The following ALG9 variants were observed in gnomAD, a reference collection of about 807,000 sequenced individuals.
ALG9 encodes alpha-1,2-mannosyltransferase ALG9.
ALG9 carries 55 observed loss-of-function variants against 81.8 expected under a neutral mutation model. The observed-to-expected ratio is 0.67, with a 90% CI of 0.54 to 0.84. ALG9 has a LOEUF of 0.84. Among genes scored for constraint, ALG9 ranks in the 40% least tolerant of loss-of-function variants. The probability of loss-of-function intolerance (pLI) is 0.00; values close to 1 mark genes in which losing one functional copy is unlikely to be tolerated. For missense variants in ALG9, 629 were observed against 745.0 expected, an observed-to-expected ratio of 0.84 and a Z score of 1.81; for synonymous variants, 278 against 274.3, an observed-to-expected ratio of 1.01 and a Z score of -0.13.
chr11:111,822,030 C>T (rs1300213675), intron 13 of ALG9, among the ~76,000 whole-genome samples: 1 of 152,134 alleles, frequency 6.6e-6, no homozygotes, highest in African/African-American at 2.4e-5. Flanking sequence ...GAGATAGATA[C>T]AGGTTATATC....
chr11:111,801,223 A>G (rs1949079392), intron 14 of ALG9, among the ~76,000 whole-genome samples: 1 of 152,258 alleles, frequency 6.6e-6, no homozygotes, highest in Non-Finnish European at 1.5e-5. Flanking sequence ...GATTATGCTC[A>G]CAAAAGCATT....
At chr11:111,810,516 G>A (rs1360439749) in intron 13 of ALG9, among the ~76,000 whole-genome samples, 1 of 152,172 alleles carries the variant, frequency 6.6e-6, no homozygotes, top group Non-Finnish European at 1.5e-5. Flanking sequence ...AGCACTTTGG[G>A]AGGCCAAGGT....
intron 8 of ALG9, among the ~76,000 whole-genome samples, chr11:111,848,728 A>G (rs1191641461): frequency 6.6e-6 from 1 of 152,214 alleles, no homozygotes; most frequent in Non-Finnish European, 1.5e-5. Flanking sequence ...ATGCTGTAAA[A>G]ATAAGTTTTT....
At chr11:111,805,377 C>G (rs1555084215) in intron 14 of ALG9, 3 of 453,478 alleles carry the variant, frequency 6.6e-6, no homozygotes, top group Non-Finnish European at 1.3e-5. Context: ...TTATAGCAGT[C>G]TGAACTAAGA....
At chr11:111,843,725 A>G (rs1375777532) in intron 9 of ALG9, among the ~76,000 whole-genome samples, 1 of 152,184 alleles carries the variant, frequency 6.6e-6, no homozygotes, top group Non-Finnish European at 1.5e-5. Flanking sequence ...ACTTGAGAAA[A>G]CACCAGCTGT....
Position 111,865,267 on chromosome 11 carries a change from AAAAAG to A in ALG9, c.406-21_406-17del, listed in dbSNP as rs782386573. ...ACACAAGAATCTAAAAGAAACCCAG[AAAAAG>A]AAAACAGAAGTCACAGATATGAGCT... On this transcript the variant is annotated splice_polypyrimidine_tract_variant and intron_variant, in intron 3 of 14. Transcript: ENST00000616540. 35 of 1,546,944 alleles carry A rather than the reference AAAAAG, an allele frequency of 2.3e-5. No individual in the cohort carries two copies. The highest frequency in any genetic ancestry group is 3.1e-5 in the Non-Finnish European group (35 of 1,144,180).
rs114478776 is a variant in ALG9, at chr11:111,826,951, C to T, written c.1602+9214G>A. ...GATTTCTTCAAACTTATCCTCTAAT[C>T]ATTCTACTGACTTTAAAAATCTCCT... is the stretch of plus-strand genomic sequence containing the variant. On this transcript the variant is annotated intron_variant, in intron 13 of 14. Transcript: ENST00000616540. Among the ~76,000 whole-genome samples the T allele has an allele frequency of 1.7e-3, 255 of 152,278 alleles. 1 individual carries two copies. The highest frequency in any genetic ancestry group is 5.8e-3 in the African/African-American group (241 of 41,556).
At chr11:111,854,002 C>A (rs1205212652) in intron 6 of ALG9, among the ~76,000 whole-genome samples, 1 of 152,028 alleles carries the variant, frequency 6.6e-6, no homozygotes, top group African/African-American at 2.4e-5. Context: ...AATATATGTG[C>A]CCTACTGTCT....
downstream of ALG9, among the ~76,000 whole-genome samples, chr11:111,780,389 T>G (rs1007360872): frequency 2.8e-4 from 41 of 144,544 alleles, no homozygotes; most frequent in Admixed American, 1.2e-3. Context: ...GCCGTTTTTT[T>G]TTTTGTTTTG....
Position 111,837,586 on chromosome 11 carries a change from C to G in ALG9, c.1354G>C (p.Glu452Gln). The G allele has an allele frequency of 1.2e-6, 2 of 1,614,100 alleles. No individual in the cohort carries two copies. The highest frequency in any genetic ancestry group is 2.2e-5 in the South Asian group (2 of 91,074). Reference protein sequence around the residue: ...GYHGPLDLYPEFYRIATDPTI... With the variant: ...GYHGPLDLYPQFYRIATDPTI... ...GGGTCTGTAGCAATTCGGTAAAATT[C>G]TGGATACAAATCAAGGGGCCCGTGA... The change falls in exon 12 of 15, where the codon GAA (glutamate) becomes CAA (glutamine). Residue 452 changes from glutamate (E) to glutamine (Q), a missense_variant. Physicochemically the swap from Glu to Gln is conservative, Grantham distance 29 (BLOSUM62 2). Coordinates refer to ENST00000616540, the MANE Select transcript of ALG9 (RefSeq NM_024740.2).
intron 6 of ALG9, 78 bp downstream of exon 6, chr11:111,857,524 G>A: frequency 6.3e-7 from 1 of 1,586,622 alleles, no homozygotes; most frequent in Non-Finnish European, 8.6e-7. Flanking sequence ...ATTCTATGCA[G>A]ACAATATGGA....
chr11:111,799,151 TA>T (rs1948729037), intron 14 of ALG9, among the ~76,000 whole-genome samples: 1 of 152,150 alleles, frequency 6.6e-6, no homozygotes, highest in East Asian at 1.9e-4. Flanking sequence ...ACTCACAGTA[TA>T]ATTTTTTTTT....
At chr11:111,866,680 A>G (rs371104866) in intron 3 of ALG9, among the ~76,000 whole-genome samples, 30 of 151,644 alleles carry the variant, frequency 2.0e-4, no homozygotes, top group African/African-American at 6.8e-4. Flanking sequence ...TGAACATGTA[A>G]AATTTGAAGT....
chr11:111,780,350 T>C (rs1479648971), downstream of ALG9, among the ~76,000 whole-genome samples: 1 of 152,140 alleles, frequency 6.6e-6, no homozygotes, highest in Non-Finnish European at 1.5e-5. Context: ...ATTGCCCTTT[T>C]TGAGTACTAC....
rs374283538 is a variant in ALG9, at chr11:111,836,311, G to A, written c.1473-17C>T. 63 of 1,613,642 alleles carry A rather than the reference G, an allele frequency of 3.9e-5. No individual in the cohort carries two copies. Among genetic ancestry groups the A allele is most frequent in the Non-Finnish European group, 5.1e-5 (60 of 1,179,860 alleles). On this transcript the variant is annotated splice_polypyrimidine_tract_variant and intron_variant, in intron 12 of 14. Coordinates refer to ENST00000616540, the MANE Select transcript of ALG9 (RefSeq NM_024740.2). ...AGCTGCCAACTGTCAGAAACACAAG[G>A]AGAATAAGAAAAACACAGGGGGATA...
chr11:111,866,275 G>A (rs962119090), intron 3 of ALG9, among the ~76,000 whole-genome samples: 12 of 152,106 alleles, frequency 7.9e-5, no homozygotes, highest in African/African-American at 2.9e-4. Context: ...CCAGCCTGGC[G>A]ACAGAGTGAG....
intron 8 of ALG9, 73 bp from the exon 9 acceptor site, chr11:111,844,796 GTTCT>G (rs1956723921): frequency 6.6e-7 from 1 of 1,516,550 alleles, no homozygotes; most frequent in Non-Finnish European, 9.1e-7. Flanking sequence ...GACATATAAT[GTTCT>G]TTGTTGGAAT....
At chr11:111,774,644 T>C in the ALG9 span, among the ~76,000 whole-genome samples, 1 of 152,226 alleles carries the variant, frequency 6.6e-6, no homozygotes, top group Non-Finnish European at 1.5e-5. Flanking sequence ...CACCCATTTT[T>C]CCACTAATAT....
At chr11:111,768,842 C>CGCGCGTGTGTGTGTGT in the ALG9 span, 34 of 143,096 alleles carry the variant, frequency 2.4e-4, no homozygotes, top group African/African-American at 8.5e-4. Context: ...TGTGTGTGTG[C>CGCGCGTGTGTGTGTGT]GTGTGTGTGT....
Sources: allele counts gnomAD v4.1 joint callset (sites outside exome capture counted in the v4.1 genomes callset), GRCh38; gene constraint gnomAD v4.1.1; transcripts MANE v1.5; gene names NCBI Gene and HGNC (gene_info 2026-07-23, HGNC 2026-07-21).